The following TBCD variants were observed in gnomAD, a reference collection of about 807,000 sequenced individuals.
TBCD encodes tubulin folding cofactor D.
Under a neutral mutation model 169.3 loss-of-function variants are expected in TBCD, and 105 were observed. The observed-to-expected ratio is 0.62, with a 90% CI of 0.53 to 0.73. The LOEUF is 0.73. Among genes scored for constraint, TBCD ranks in the 30% least tolerant of loss-of-function variants. The probability of loss-of-function intolerance (pLI) is 0.00; values close to 1 mark genes in which losing one functional copy is unlikely to be tolerated. For missense variants in TBCD, 1,444 were observed against 1,600.1 expected, an observed-to-expected ratio of 0.90 and a Z score of 1.66; for synonymous variants, 700 against 643.9, an observed-to-expected ratio of 1.09 and a Z score of -1.32.
At chr17:82,790,735 A>G (rs780776103) in intron 7 of TBCD, among the ~76,000 whole-genome samples, 1 of 151,840 alleles carries the variant, frequency 6.6e-6, no homozygotes, top group South Asian at 2.1e-4. Context: ...CCTTGCCTCT[A>G]TGTGTCTGCT....
intron 13 of TBCD, among the ~76,000 whole-genome samples, chr17:82,844,992 TG>T (rs532104500): frequency 4.0e-5 from 6 of 148,558 alleles, no homozygotes; most frequent in African/African-American, 1.5e-4. Flanking sequence ...ACACCAGAGG[TG>T]GGGGGTGCTT....
intron 34 of TBCD, among the ~76,000 whole-genome samples, chr17:82,933,605 T>C (rs2062389695): frequency 6.8e-6 from 1 of 146,050 alleles, no homozygotes; most frequent in Admixed American, 7.0e-5. Context: ...TGGTCTGTTT[T>C]TGGGGGCACT....
chr17:82,854,728 T>G (rs1260788826), intron 13 of TBCD, among the ~76,000 whole-genome samples: 1 of 152,030 alleles, frequency 6.6e-6, no homozygotes, highest in Non-Finnish European at 1.5e-5. Context: ...AGAGATGACC[T>G]AAGAAACAGG....
At position 82,806,240 on chromosome 17, in the gene TBCD, C is replaced by T. The variant is rs1386633113; in HGVS notation, c.1087+229C>T. 6.6e-6 allele frequency among the ~76,000 whole-genome samples: 1 copy of T among 152,124 alleles called. No individual in the cohort carries two copies. The highest frequency in any genetic ancestry group is 1.5e-5 in the Non-Finnish European group (1 of 68,024). Reference sequence around the variant, plus strand: ...CCGTAGAAGCCCTTTTTCCCACCGCCTCGCCTCCTTCCTGACCTGGGCTGC... The same window carrying T: ...CCGTAGAAGCCCTTTTTCCCACCGCTTCGCCTCCTTCCTGACCTGGGCTGC... On this transcript the variant is annotated intron_variant, in intron 10 of 38. Transcript: ENST00000355528. The surrounding 1 kb of genome is among the most constrained non-coding windows in gnomAD (Gnocchi z 5.1).
rs2056998179 is a variant in TBCD, at chr17:82,864,287, A to G, written c.1319-5937A>G. 1 of 152,264 alleles carries G rather than the reference A, an allele frequency of 6.6e-6. No homozygotes were observed. The highest frequency in any genetic ancestry group is 6.5e-5 in the Admixed American group (1 of 15,290). The allele number at this position is 152,264 out of a possible 1,614,324, so 9.4% of individuals were successfully genotyped here. A position where few individuals can be genotyped will look rare whatever the true frequency, so the allele number is the denominator to read the frequency against. On this transcript the variant is annotated intron_variant, in intron 13 of 38. Coordinates refer to ENST00000355528, the MANE Select transcript of TBCD (RefSeq NM_005993.5). This position sits in a 1 kb window ranked among gnomAD's most constrained non-coding sequence, Gnocchi z 6.3. ...AACAAATGTAGTGCAGAGAACAGAA[A>G]GCTGCTGTGTGACCTGCGGGTGCCC...
chr17:82,887,131 C>CTCTGTGTG (rs1555632222), intron 15 of TBCD, among the ~76,000 whole-genome samples: 1 of 123,364 alleles, frequency 8.1e-6, no homozygotes, highest in African/African-American at 3.4e-5. Context: ...TACCTGTACT[C>CTCTGTGTG]TGTGTGTGTG....
intron 13 of TBCD, among the ~76,000 whole-genome samples, chr17:82,849,554 T>G (rs1325874432): frequency 6.6e-6 from 1 of 152,248 alleles, no homozygotes; most frequent in Non-Finnish European, 1.5e-5. Context: ...CTCAAGTTCA[T>G]TTCAAGCTCT....
chr17:82,941,342 C>T (rs990995804), intron 37 of TBCD, 57 bp from the exon 38 acceptor site: 2 of 1,470,824 alleles, frequency 1.4e-6, no homozygotes, highest in Non-Finnish European at 1.8e-6. Context: ...GACCTCCGCA[C>T]ACCTGAGGTT....
chr17:82,845,102 T>C (rs1003227081), intron 13 of TBCD, among the ~76,000 whole-genome samples: 110 of 151,950 alleles, frequency 7.2e-4, no homozygotes, highest in African/African-American at 2.6e-3. Flanking sequence ...CCCAGGCAGG[T>C]GCTGGCGCCG....
At chr17:82,757,347 G>T (rs1226470973) in intron 2 of TBCD, among the ~76,000 whole-genome samples, 1 of 152,146 alleles carries the variant, frequency 6.6e-6, no homozygotes, top group Non-Finnish European at 1.5e-5. Context: ...TTGGCTGGGG[G>T]TGGTGGCTCA....
chr17:82,923,853 C>A lies in TBCD; in HGVS notation c.2260+120C>A. ...TGGAGCAGAGCCACCACGATCATGG[C>A]TGGAGTGGGACTGTTCGGGTCTCAG... On this transcript the variant is annotated intron_variant, in intron 26 of 38. Coordinates refer to ENST00000355528, the MANE Select transcript of TBCD (RefSeq NM_005993.5). This position sits in a 1 kb window ranked among gnomAD's most constrained non-coding sequence, Gnocchi z 4.6. The A allele has an allele frequency of 1.3e-6, 1 of 793,760 alleles. No individual in the cohort carries two copies. Among genetic ancestry groups the A allele is most frequent in the Non-Finnish European group, 2.0e-6 (1 of 500,082 alleles). The allele number at this position is 793,760 out of a possible 1,614,324, so 49.2% of individuals were successfully genotyped here.
rs887925164 is a variant in TBCD at position 82,782,215 on chromosome 17, G to T, written c.771+494G>T. 6.6e-6 allele frequency among the ~76,000 whole-genome samples: 1 copy of T among 152,054 alleles called. No individual in the cohort carries two copies. The highest frequency in any genetic ancestry group is 1.5e-5 in the Non-Finnish European group (1 of 67,998). On this transcript the variant is annotated intron_variant, in intron 7 of 38. Coordinates refer to ENST00000355528, the MANE Select transcript of TBCD (RefSeq NM_005993.5). The surrounding 1 kb of genome is among the most constrained non-coding windows in gnomAD (Gnocchi z 5.1). ...GCAGCCCTTTGCCAGCCCTTTCCCTGCCCTTTCGCTCTGATTGTCTCTTGT... is the reference window on the plus strand; with the variant it reads ...GCAGCCCTTTGCCAGCCCTTTCCCTTCCCTTTCGCTCTGATTGTCTCTTGT...
chr17:82,816,492 A>AGGAACTTGAAAT (rs765778306), intron 13 of TBCD, among the ~76,000 whole-genome samples: 9 of 151,926 alleles, frequency 5.9e-5, no homozygotes, highest in Non-Finnish European at 1.0e-4. Context: ...TCCTGCCTGT[A>AGGAACTTGAAAT]GTGTGTGAGG....
Position 82,831,419 on chromosome 17 carries a change from T to C in TBCD, c.1318+16485T>C. The C allele has an allele frequency of 1.2e-6, 2 of 1,614,128 alleles. No homozygotes were observed. The highest frequency in any genetic ancestry group is 1.7e-6 in the Non-Finnish European group (2 of 1,180,014). On this transcript the variant is annotated intron_variant, in intron 13 of 38. Coordinates refer to ENST00000355528, the MANE Select transcript of TBCD (RefSeq NM_005993.5). This position sits in a 1 kb window ranked among gnomAD's most constrained non-coding sequence, Gnocchi z 4.6. ...GTGGCTTCTTCAAGCAGGTGAGAGC[T>C]CTGATCTCGGGTGAGGCCAGTGACA... is the stretch of plus-strand genomic sequence containing the variant.
intron 36 of TBCD, chr17:82,939,147 C>T (rs1044084117): frequency 1.7e-6 from 1 of 593,234 alleles, no homozygotes; most frequent in East Asian, 2.8e-5. Flanking sequence ...TGCTGGGATC[C>T]TGCAGCTAGC....
intron 13 of TBCD, chr17:82,838,866 C>G: frequency 1.0e-6 from 1 of 985,426 alleles, no homozygotes; most frequent in Non-Finnish European, 1.2e-6. Flanking sequence ...TTTACAGTCG[C>G]CGCCTCATCC....
rs2063457861 is a variant in TBCD at position 82,943,265 on chromosome 17, G to C, written c.*802G>C. 1 of 152,304 alleles carries C rather than the reference G, an allele frequency of 6.6e-6. No individual in the cohort carries two copies. The highest frequency in any genetic ancestry group is 1.5e-5 in the Non-Finnish European group (1 of 68,098). The allele number at this position is 152,304 out of a possible 1,614,324, so 9.4% of individuals were successfully genotyped here. A position where few individuals can be genotyped will look rare whatever the true frequency, so the allele number is the denominator to read the frequency against. ...AGGGCAGGAGGCTACCTTTGTCTCT[G>C]TGTCTGAGCTCGTGCTGATCCATCC... On this transcript the variant is annotated 3_prime_UTR_variant, in exon 39 of 39. Transcript: ENST00000355528.
In TBCD at chr17:82,938,147, G is replaced by A. The variant is rs772518116; in HGVS notation, c.3369+11G>A. ...CACCGTTTCCCGCTGGTGAGTGCCT[G>A]CCCCTGCTCACGTGTGTTTGCCGTG... On this transcript the variant is annotated intron_variant, in intron 36 of 38. Transcript: ENST00000355528. The A allele has an allele frequency of 1.1e-5, 17 of 1,610,270 alleles. No homozygotes were observed. The highest frequency in any genetic ancestry group is 1.4e-5 in the Non-Finnish European group (17 of 1,179,252).
At chr17:82,916,158 T>C (rs921945234) in intron 23 of TBCD, among the ~76,000 whole-genome samples, 31 of 152,222 alleles carry the variant, frequency 2.0e-4, no homozygotes, top group African/African-American at 7.5e-4. Context: ...CATTTTCTCT[T>C]TGCCTGGAGA....
Sources: allele counts gnomAD v4.1 joint callset (sites outside exome capture counted in the v4.1 genomes callset), GRCh38; gene constraint gnomAD v4.1.1; non-coding constraint Gnocchi (gnomAD v3.1); transcripts MANE v1.5; gene names NCBI Gene and HGNC (gene_info 2026-07-23, HGNC 2026-07-21).